Variants in DDX27 observed in about 807,000 individuals in gnomAD.
DDX27 encodes the protein probable ATP-dependent RNA helicase DDX27.
A neutral mutation model predicts 99.3 loss-of-function variants in DDX27; 42 were observed. The ratio of observed to expected loss-of-function variants is 0.42; its 90% confidence interval spans 0.33 to 0.55. The LOEUF is 0.55. DDX27 is among the 20% of genes least tolerant of loss of function. DDX27 has a pLI of 0.07. For missense variants in DDX27, 798 were observed against 976.8 expected (o/e 0.82, Z 2.44); for synonymous variants, 329 against 353.8 (o/e 0.93, Z 0.79).
intron 9 of DDX27, among the ~76,000 whole-genome samples, chr20:49,230,673 A>G (rs959530691): frequency 6.6e-5 from 10 of 152,214 alleles, no homozygotes; most frequent in African/African-American, 2.2e-4. Flanking sequence ...TACGCACACC[A>G]TAGTGTTGAG....
rs370713826 is a variant in DDX27, at chr20:49,229,401, G to A, written c.880+513G>A. 1.1e-4 allele frequency among the ~76,000 whole-genome samples: 17 copies of A among 152,232 alleles called. 1 individual carries two copies. The highest frequency in any genetic ancestry group is 8.3e-4 in the South Asian group (4 of 4,824). The stretch of plus-strand genomic sequence containing the variant: ...TAACCAACCTTCACAAATGAAACCT[G>A]AAAACTATGAACATTTTTTTCGTGG... On this transcript the variant is annotated intron_variant, in intron 8 of 20. Transcript: ENST00000618172.
At chr20:49,241,289 T>A (rs78530072) in intron 16 of DDX27, among the ~76,000 whole-genome samples, 2 of 152,162 alleles carry the variant, frequency 1.3e-5, no homozygotes, top group African/African-American at 4.8e-5. Context: ...TGTATATAAC[T>A]TAAATTTCTG....
intron 16 of DDX27, 146 bp downstream of exon 16, chr20:49,239,484 A>G (rs1432861914): frequency 4.6e-6 from 3 of 649,450 alleles, no homozygotes; most frequent in South Asian, 2.0e-5. Flanking sequence ...ATGTTTCCAC[A>G]TTTGGGGTGT....
intron 8 of DDX27, among the ~76,000 whole-genome samples, chr20:49,229,451 T>A (rs1369701706): frequency 6.6e-6 from 1 of 152,148 alleles, no homozygotes; most frequent in Non-Finnish European, 1.5e-5. Context: ...GGGGTATAAT[T>A]TCTGCTCTGT....
chr20:49,242,358 C>T (rs1181385314), intron 18 of DDX27, 152 bp downstream of exon 18: 10 of 1,368,554 alleles, frequency 7.3e-6, no homozygotes, highest in African/African-American at 7.3e-5. Flanking sequence ...CCTCCACGGT[C>T]TAAGGGGCGC....
rs954003198 is a variant in DDX27 at position 49,230,341 on chromosome 20, G to A, written c.1023G>A (p.Glu341=). ...LSSIEVLILD[E]ADRMLDEYFE... ...GCATCGAGGTGCTCATCCTGGACGA[G>A]GCTGACAGGTGCTCCTCACAGCCTG... The change falls in exon 9 of 21, where the codon GAG becomes GAA. Residue 341 remains glutamate (E), a synonymous_variant. Transcript: ENST00000618172. 6.2e-7 allele frequency: 1 copy of A among 1,607,302 alleles called. No homozygotes were observed. Among genetic ancestry groups the A allele is most frequent in the African/African-American group, 1.3e-5 (1 of 75,028 alleles).
In DDX27 at chr20:49,243,982, C is replaced by A; in HGVS notation, c.*148C>A. ...TTTGGTGTGGTGGTATGGTACGTAG[C>A]TATTTTCCTAAGCATGTCTGTCAAT... On this transcript the variant is annotated 3_prime_UTR_variant, in exon 21 of 21. Coordinates refer to ENST00000618172, the MANE Select transcript of DDX27 (RefSeq NM_017895.8). 2 of 844,734 alleles carry A rather than the reference C, an allele frequency of 2.4e-6. No homozygotes were observed. The highest frequency in any genetic ancestry group is 3.7e-6 in the Non-Finnish European group (2 of 543,238). The allele number at this position is 844,734 out of a possible 1,614,324, so 52.3% of individuals were successfully genotyped here. A position where few individuals can be genotyped will look rare whatever the true frequency, so the allele number is the denominator to read the frequency against.
At chr20:49,240,649 G>T (rs1422185598) in intron 16 of DDX27, among the ~76,000 whole-genome samples, 1 of 152,010 alleles carries the variant, frequency 6.6e-6, no homozygotes, top group African/African-American at 2.4e-5. Flanking sequence ...GGATGGTCTC[G>T]ATCTCCTGAC....
At chr20:49,225,295 G>T (rs1258254989) in intron 6 of DDX27, 96 bp downstream of exon 6, 1 of 1,028,796 alleles carries the variant, frequency 9.7e-7, no homozygotes, top group Admixed American at 1.7e-5. Flanking sequence ...CAATCCTCTT[G>T]CCTCAACCTC....
At chr20:49,221,751 A>G (rs1301431250) in intron 2 of DDX27, among the ~76,000 whole-genome samples, 153 bp downstream of exon 2, 1 of 152,074 alleles carries the variant, frequency 6.6e-6, no homozygotes, top group Non-Finnish European at 1.5e-5. Flanking sequence ...AAAACAAAAG[A>G]AAATATCTGG....
intron 4 of DDX27, among the ~76,000 whole-genome samples, chr20:49,224,135 TA>T (rs1251475854): frequency 6.6e-6 from 1 of 152,036 alleles, no homozygotes; most frequent in African/African-American, 2.4e-5. Flanking sequence ...CCTTGACCTC[TA>T]AAAGTGCTGG....
intron 7 of DDX27, among the ~76,000 whole-genome samples, chr20:49,228,050 A>C (rs771303441): frequency 7.3e-5 from 11 of 151,612 alleles, no homozygotes; most frequent in Non-Finnish European, 1.2e-4. Flanking sequence ...TATCTTGGCC[A>C]GGCTGGTCTT....
intron 16 of DDX27, 143 bp from the exon 17 acceptor site, chr20:49,241,750 C>G: frequency 1.2e-6 from 1 of 858,860 alleles, no homozygotes; most frequent in Non-Finnish European, 1.9e-6. Flanking sequence ...ACTACAGGCA[C>G]GAGCTACTGC....
rs1444284340 is a variant in DDX27 at position 49,233,255 on chromosome 20, G to T, written c.1032-51G>T. 9 of 1,431,326 alleles carry T rather than the reference G, an allele frequency of 6.3e-6. No homozygotes were observed. The Admixed American group carries it at 1.5e-4, about 24-fold the overall frequency. The allele number at this position is 1,431,326 out of a possible 1,614,324, so 88.7% of individuals were successfully genotyped here. A position where few individuals can be genotyped will look rare whatever the true frequency, so the allele number is the denominator to read the frequency against. ...GGTATGCAATCCCGTGTCCCTCACT[G>T]TGACCGAAGAGCACTCTCTCCATTT... On this transcript the variant is annotated intron_variant, in intron 9 of 20. Coordinates refer to ENST00000618172, the MANE Select transcript of DDX27 (RefSeq NM_017895.8).
At chr20:49,225,776 G>A (rs539385151) in intron 6 of DDX27, among the ~76,000 whole-genome samples, 108 of 152,202 alleles carry the variant, frequency 7.1e-4, no homozygotes, top group African/African-American at 2.3e-3. Flanking sequence ...TAAGCAATGA[G>A]TTCCATCGTG....
Position 49,223,382 on chromosome 20 carries a change from G to A in DDX27, c.415G>A (p.Ala139Thr). Residue 139 changes from alanine to threonine, a missense_variant, in exon 4 of 21, where the codon GCC becomes ACC. Around this residue, in one of 2 missense-constraint regions of DDX27, gnomAD observed 245 missense variants for 248.8 expected, o/e 0.98. Transcript: ENST00000618172. Reference sequence around the variant, plus strand: ...TGATGAGGAAGGCTCAGAAGATGAAGCCTCGGAGACTGACTACTCATCAGC... The same window carrying A: ...TGATGAGGAAGGCTCAGAAGATGAAACCTCGGAGACTGACTACTCATCAGC... ...ENDEEGSEDE[A>T]SETDYSSADE... is the part of the protein sequence containing the mutation. The A allele has an allele frequency of 6.2e-7, 1 of 1,613,994 alleles. No homozygotes were observed. Among genetic ancestry groups the A allele is most frequent in the East Asian group, 2.2e-5 (1 of 44,884 alleles).
At chr20:49,230,051 G>A in intron 8 of DDX27, 148 bp from the exon 9 acceptor site, 1 of 839,742 alleles carries the variant, frequency 1.2e-6, no homozygotes, top group South Asian at 2.0e-5. Flanking sequence ...TGCGTTTCTG[G>A]GAAACCCATG....
intron 4 of DDX27, among the ~76,000 whole-genome samples, chr20:49,224,363 T>C (rs546650885): frequency 5.5e-5 from 1 of 18,172 alleles, no homozygotes; most frequent in South Asian, 9.7e-4. Context: ...TATTTCTTTC[T>C]TTCTTTTTTT....
chr20:49,239,316 A>G lies in DDX27; in HGVS notation c.1875A>G (p.Lys625=), dbSNP rs1242815809. The change falls in exon 16 of 21, where the codon AAA becomes AAG. Residue 625 remains lysine, a synonymous_variant. Coordinates refer to ENST00000618172, the MANE Select transcript of DDX27 (RefSeq NM_017895.8). Reference sequence around the variant, plus strand: ...CCGAGAGGAGCTGGTTCCAGACCAAAGAAGAGAGGAAGAAGGAGAAAAGTA... The same window carrying G: ...CCGAGAGGAGCTGGTTCCAGACCAAGGAAGAGAGGAAGAAGGAGAAAAGTA... ...QEPERSWFQT[K]EERKKEKIAK... The G allele has an allele frequency of 6.2e-7, 1 of 1,611,870 alleles. No individual in the cohort carries two copies. Among genetic ancestry groups the G allele is most frequent in the Admixed American group, 1.7e-5 (1 of 59,764 alleles).
Sources: gnomAD v4.1 joint callset for allele counts (sites outside exome capture counted in the v4.1 genomes callset) on GRCh38, gnomAD v4.1.1 for gene constraint, gnomAD v4.1.1 regional missense constraint, MANE v1.5 for transcripts, NCBI Gene and HGNC (gene_info 2026-07-23, HGNC 2026-07-21) for gene names.